The following AGBL4 variants were observed in gnomAD, a reference collection of about 807,000 sequenced individuals.
The protein encoded by AGBL4 is AGBL carboxypeptidase 4, also known as cytosolic carboxypeptidase 6.
In AGBL4, 58 loss-of-function variants were observed where a neutral mutation model predicts 66.4. That is an observed-to-expected ratio of 0.87 (90% CI 0.71 to 1.09). The LOEUF is 1.09. Ranked by LOEUF, AGBL4 falls within the 50% of genes least tolerant of loss-of-function variation. The pLI, the probability that AGBL4 is intolerant of heterozygous loss-of-function variation, is 0.00. For synonymous variants in AGBL4, 234 were observed against 222.9 expected (o/e 1.05, Z -0.44); for missense variants, 579 against 631.0 (o/e 0.92, Z 0.88).
At chr1:49,176,727 G>C (rs79517649) in intron 4 of AGBL4, among the ~76,000 whole-genome samples, 3,693 of 152,062 alleles carry the variant, frequency 0.024, 164 homozygotes, top group African/African-American at 0.083. Flanking sequence ...CCTATATAAA[G>C]AATTTTAGCT....
At chr1:49,876,997 T>C (rs568278390) in intron 1 of AGBL4, among the ~76,000 whole-genome samples, 7,260 of 151,390 alleles carry the variant, frequency 0.048, 557 homozygotes, top group African/African-American at 0.16. Flanking sequence ...GTGATTTTTG[T>C]ACATTGATTT....
chr1:48,887,564 G>T lies in AGBL4; in HGVS notation c.595-20334C>A, dbSNP rs1049116694. Among the ~76,000 whole-genome samples the T allele has an allele frequency of 2.7e-4, 41 of 152,088 alleles. 1 individual carries two copies. The highest frequency in any genetic ancestry group is 9.7e-4 in the African/African-American group (40 of 41,422). ...ATTATAAACCCCCTTTTATAGGGGGGAATTGAGGCTCAGAGAGAATAGACG... is the reference window on the plus strand; with the variant it reads ...ATTATAAACCCCCTTTTATAGGGGGTAATTGAGGCTCAGAGAGAATAGACG... On this transcript the variant is annotated intron_variant, in intron 5 of 13. Transcript: ENST00000371839.
intron 3 of AGBL4, among the ~76,000 whole-genome samples, chr1:49,553,950 C>T (rs1250054768): frequency 6.6e-6 from 1 of 152,098 alleles, no homozygotes. Context: ...GCAGACTGAG[C>T]AACATAGTGG....
intron 11 of AGBL4, among the ~76,000 whole-genome samples, chr1:48,545,020 C>G (rs1644136212): frequency 6.6e-6 from 1 of 152,194 alleles, no homozygotes. Flanking sequence ...GTTTCCTGCT[C>G]ACAGCATTGT....
intron 11 of AGBL4, among the ~76,000 whole-genome samples, chr1:48,575,992 C>G (rs1255599453): frequency 6.6e-6 from 1 of 152,200 alleles, no homozygotes; most frequent in Admixed American, 6.5e-5. Flanking sequence ...GGAGCTATCT[C>G]CCACTGGCTC....
At chr1:48,544,325 A>G (rs1644124782) in intron 11 of AGBL4, among the ~76,000 whole-genome samples, 1 of 152,252 alleles carries the variant, frequency 6.6e-6, no homozygotes, top group African/African-American at 2.4e-5. Flanking sequence ...TAAGAGCTAC[A>G]GGGCAGAGAG....
intron 4 of AGBL4, among the ~76,000 whole-genome samples, chr1:49,046,773 C>A (rs1047382371): frequency 6.6e-6 from 1 of 152,152 alleles, no homozygotes; most frequent in African/African-American, 2.4e-5. Context: ...TTGTGTAACT[C>A]TTGCTTTTTT....
intron 6 of AGBL4, among the ~76,000 whole-genome samples, chr1:48,705,317 A>G (rs72902863): frequency 0.018 from 2,775 of 152,358 alleles, 82 homozygotes; most frequent in African/African-American, 0.063. Context: ...CAGATATGAA[A>G]TGATGGTAAA....
chr1:49,145,490 T>C (rs1050738683), intron 4 of AGBL4, among the ~76,000 whole-genome samples: 2 of 152,232 alleles, frequency 1.3e-5, no homozygotes, highest in African/African-American at 4.8e-5. Flanking sequence ...TTTTTGTGTA[T>C]TATTTCATTT....
chr1:49,482,445 C>T (rs1415572005), intron 3 of AGBL4, among the ~76,000 whole-genome samples: 1 of 151,584 alleles, frequency 6.6e-6, no homozygotes, highest in Non-Finnish European at 1.5e-5. Flanking sequence ...TATAATATTC[C>T]TGTTTATATT....
chr1:48,738,018 T>C (rs1261054644), intron 6 of AGBL4, among the ~76,000 whole-genome samples: 1 of 152,218 alleles, frequency 6.6e-6, no homozygotes, highest in Non-Finnish European at 1.5e-5. Flanking sequence ...TCTAAGAGAC[T>C]GGATGCATAC....
intron 11 of AGBL4, among the ~76,000 whole-genome samples, chr1:48,575,559 C>A (rs952199156): frequency 1.1e-4 from 17 of 152,124 alleles, no homozygotes; most frequent in Non-Finnish European, 4.4e-5. Flanking sequence ...GGCCTCATTG[C>A]CTCTCACTCC....
intron 3 of AGBL4, among the ~76,000 whole-genome samples, chr1:49,636,225 T>C (rs1194262135): frequency 6.6e-6 from 1 of 152,214 alleles, no homozygotes; most frequent in African/African-American, 2.4e-5. Context: ...GTTCTGGGCA[T>C]TGGTAAGTCC....
At chr1:48,566,930 A>G (rs1644486800) in intron 11 of AGBL4, among the ~76,000 whole-genome samples, 1 of 152,222 alleles carries the variant, frequency 6.6e-6, no homozygotes, top group Admixed American at 6.5e-5. Flanking sequence ...GGAGTTCAAG[A>G]CCAGCCTGAG....
chr1:49,851,652 G>C, intron 1 of AGBL4, 134 bp from the exon 2 acceptor site: 1 of 820,730 alleles, frequency 1.2e-6, no homozygotes, highest in Non-Finnish European at 1.8e-6. Context: ...CCACATTGTG[G>C]TACAGTGAAA....
At chr1:49,842,331 A>G in intron 2 of AGBL4, 1 of 546,462 alleles carries the variant, frequency 1.8e-6, no homozygotes, top group Non-Finnish European at 3.1e-6. Context: ...TCCCTGCTGG[A>G]GCAAGAGGCA....
At chr1:49,598,998 T>C (rs559350799) in intron 3 of AGBL4, among the ~76,000 whole-genome samples, 6 of 152,194 alleles carry the variant, frequency 3.9e-5, no homozygotes, top group Admixed American at 1.3e-4. Context: ...CTGGATTTGG[T>C]TTGCCAGTAT....
intron 4 of AGBL4, among the ~76,000 whole-genome samples, chr1:49,055,111 G>C (rs562391473): frequency 8.5e-5 from 13 of 152,066 alleles, no homozygotes; most frequent in African/African-American, 2.9e-4. Context: ...TTTACCTTGG[G>C]ATAACAGCTT....
chr1:49,581,295 T>C (rs941536666), intron 3 of AGBL4, among the ~76,000 whole-genome samples: 1 of 152,206 alleles, frequency 6.6e-6, no homozygotes, highest in Non-Finnish European at 1.5e-5. Flanking sequence ...CTCTTGCATC[T>C]CATTGAACTT....
Sources: allele counts gnomAD v4.1 joint callset (sites outside exome capture counted in the v4.1 genomes callset), GRCh38; gene constraint gnomAD v4.1.1; transcripts MANE v1.5; gene names NCBI Gene and HGNC (gene_info 2026-07-23, HGNC 2026-07-21).